The following FOCAD variants were observed in gnomAD, a reference collection of about 807,000 sequenced individuals.
FOCAD encodes the protein KIAA1797.
In FOCAD, 198 loss-of-function variants were observed where a neutral mutation model predicts 225.6. The ratio of observed to expected loss-of-function variants is 0.88; its 90% CI spans 0.78 to 0.99. The LOEUF (loss-of-function observed/expected upper bound fraction) is 0.99, where lower values mean the gene tolerates loss of function less well. FOCAD is among the 50% of genes least tolerant of loss of function. The pLI is 0.00. For synonymous variants in FOCAD, 897 were observed against 755.0 expected (o/e 1.19, Z -3.08); for missense variants, 2,713 against 2,123.6 (o/e 1.28, Z -5.46).
intron 11 of FOCAD, among the ~76,000 whole-genome samples, chr9:20,817,684 T>A (rs1823873347): frequency 6.6e-6 from 1 of 152,120 alleles, no homozygotes; most frequent in African/African-American, 2.4e-5. Context: ...GCATAATGTT[T>A]TCAAGGTTCA....
In FOCAD at chr9:20,874,793, C is replaced by T. The variant is rs375015668; in HGVS notation, c.2303C>T (p.Pro768Leu). ...CTCAAACTGTTGTCACTCACTCCCC[C>T]TTTGGTTTTACCAGGTGACTCCTAT... Reference protein sequence around the residue: ...CYLKLLSLTPPLVLPALEEFF... With the variant: ...CYLKLLSLTPLLVLPALEEFF... Residue 768 changes from proline (P) to leucine (L), a missense_variant, in exon 19 of 44, where the codon CCT becomes CTT. Coordinates refer to ENST00000338382, the MANE Select transcript of FOCAD (RefSeq NM_001375567.1). 9.3e-6 allele frequency: 15 copies of T among 1,613,464 alleles called. 1 individual carries two copies. In the South Asian group the frequency reaches 1.2e-4, roughly 13 times the overall value.
chr9:20,734,299 C>G (rs1007418457), intron 4 of FOCAD, among the ~76,000 whole-genome samples: 1 of 152,086 alleles, frequency 6.6e-6, no homozygotes, highest in African/African-American at 2.4e-5. Context: ...ATAGAGAAAA[C>G]CAGGGTAATC....
chr9:20,790,714 T>C (rs1208951103), intron 11 of FOCAD, among the ~76,000 whole-genome samples: 2 of 152,126 alleles, frequency 1.3e-5, no homozygotes, highest in African/African-American at 4.8e-5. Context: ...GAGGTTGCAG[T>C]GAGCCGAGAT....
chr9:20,970,032 T>A (rs1327627200), intron 35 of FOCAD, among the ~76,000 whole-genome samples: 1 of 151,562 alleles, frequency 6.6e-6, no homozygotes, highest in Non-Finnish European at 1.5e-5. Flanking sequence ...ATCCTGTTCC[T>A]TACTGGACTC....
chr9:20,915,723 A>T (rs546129804), intron 23 of FOCAD, among the ~76,000 whole-genome samples: 1 of 152,274 alleles, frequency 6.6e-6, no homozygotes, highest in Non-Finnish European at 1.5e-5. Flanking sequence ...GAGGGTAGAT[A>T]CTACAGTATG....
At chr9:20,966,857 C>A (rs1350849267) in intron 35 of FOCAD, among the ~76,000 whole-genome samples, 1 of 151,966 alleles carries the variant, frequency 6.6e-6, no homozygotes, top group African/African-American at 2.4e-5. Context: ...CTCAAGAGTC[C>A]AGAAATAAAC....
At chr9:20,918,096 G>T (rs910346191) in intron 24 of FOCAD, among the ~76,000 whole-genome samples, 1 of 152,210 alleles carries the variant, frequency 6.6e-6, no homozygotes, top group Non-Finnish European at 1.5e-5. Flanking sequence ...GCATATCAGA[G>T]GGGGAGGGGA....
At chr9:20,792,450 A>G (rs1820631087) in intron 11 of FOCAD, among the ~76,000 whole-genome samples, 1 of 152,238 alleles carries the variant, frequency 6.6e-6, no homozygotes, top group Non-Finnish European at 1.5e-5. Context: ...GAGAACCACA[A>G]GTTCCTTCCT....
At chr9:20,666,656 C>T (rs111557158) in intron 2 of FOCAD, among the ~76,000 whole-genome samples, 3,886 of 152,198 alleles carry the variant, frequency 0.026, 168 homozygotes, top group African/African-American at 0.089. Context: ...AGCTTCTATA[C>T]GGATTTATTA....
chr9:20,986,220 C>CCTGAAATT (rs1459763391), intron 39 of FOCAD, 68 bp from the exon 40 acceptor site: 13 of 1,352,454 alleles, frequency 9.6e-6, no homozygotes, highest in Non-Finnish European at 1.2e-5. Flanking sequence ...TTGCCCTTGC[C>CCTGAAATT]CTGAAATTCT....
intron 43 of FOCAD, 58 bp from the exon 44 acceptor site, chr9:20,995,498 C>A: frequency 7.1e-7 from 1 of 1,409,248 alleles, no homozygotes; most frequent in Non-Finnish European, 1.0e-6. Flanking sequence ...TGTTCTGACA[C>A]CTTTTTGATC....
rs374882930 is a variant in FOCAD, at chr9:20,824,014, A to G, written c.1920+899A>G. Among the ~76,000 whole-genome samples the G allele has an allele frequency of 1.6e-4, 24 of 152,200 alleles. 1 individual carries two copies. The East Asian group carries it at 4.1e-3, about 26-fold the overall frequency. On this transcript the variant is annotated intron_variant, in intron 15 of 43. Coordinates refer to ENST00000338382, the MANE Select transcript of FOCAD (RefSeq NM_001375567.1). ...GATCTTGGTATGAGAATACACTTCT[A>G]TTATTTTTGGTGAACACTCATTTCA...
At chr9:20,693,655 C>T (rs79351126) in intron 1 of FOCAD, among the ~76,000 whole-genome samples, 6,079 of 152,178 alleles carry the variant, frequency 0.04, 420 homozygotes, top group African/African-American at 0.14. Flanking sequence ...AGCTCTGGAC[C>T]ATTATCTGAG....
rs1323222247 is a variant in FOCAD, at chr9:20,703,937, C to G, written c.-32-11385C>G. ...GATTTGCATCCAGGTCTATGGTTCC[C>G]TCCTCCCTTTAGCCCCCAAAGGGGG... On this transcript the variant is annotated intron_variant, in intron 1 of 43. Coordinates refer to ENST00000338382, the MANE Select transcript of FOCAD (RefSeq NM_001375567.1). 2.0e-5 allele frequency among the ~76,000 whole-genome samples: 3 copies of G among 152,360 alleles called. No homozygotes were observed. In the South Asian group the frequency reaches 6.2e-4, roughly 32 times the overall value.
chr9:20,660,054 G>C (rs1324355655), intron 2 of FOCAD, among the ~76,000 whole-genome samples: 1 of 152,204 alleles, frequency 6.6e-6, no homozygotes, highest in South Asian at 2.1e-4. Flanking sequence ...TCAAGATAAT[G>C]AGTTTGGTTT....
At chr9:20,802,262 C>T (rs1564009687) in intron 11 of FOCAD, among the ~76,000 whole-genome samples, 2 of 151,854 alleles carry the variant, frequency 1.3e-5, no homozygotes, top group South Asian at 2.1e-4. Flanking sequence ...GTGTGTTTTT[C>T]CTTTTGTCTC....
intron 7 of FOCAD, among the ~76,000 whole-genome samples, 182 bp from the exon 8 acceptor site, chr9:20,769,850 A>T (rs148361997): frequency 2.8e-4 from 42 of 152,318 alleles, no homozygotes; most frequent in Non-Finnish European, 4.6e-4. Context: ...TTGGTTAATA[A>T]CCAGAGGATA....
chr9:20,919,300 G>C (rs1312930564), intron 24 of FOCAD, among the ~76,000 whole-genome samples: 3 of 152,110 alleles, frequency 2.0e-5, no homozygotes, highest in Non-Finnish European at 4.4e-5. Flanking sequence ...GACCACTGCT[G>C]AATGAAATAA....
intron 1 of FOCAD, among the ~76,000 whole-genome samples, chr9:20,692,633 G>T (rs542805738): frequency 6.6e-6 from 1 of 152,308 alleles, no homozygotes; most frequent in Non-Finnish European, 1.5e-5. Context: ...TGGTAGGTTT[G>T]GAGGCCTCAG....
Sources: allele counts gnomAD v4.1 joint callset (sites outside exome capture counted in the v4.1 genomes callset), GRCh38; gene constraint gnomAD v4.1.1; transcripts MANE v1.5; gene names NCBI Gene and HGNC (gene_info 2026-07-23, HGNC 2026-07-21).